Variants in SCHIP1 observed in about 807,000 individuals in gnomAD.
SCHIP1 encodes schwannomin-interacting protein 1.
SCHIP1 carries 8 observed loss-of-function variants against 29.7 expected under a neutral mutation model. The ratio of observed to expected loss-of-function variants is 0.27; its 90% CI spans 0.16 to 0.49. SCHIP1 has a LOEUF of 0.49. Among genes scored for constraint, SCHIP1 ranks in the 20% least tolerant of loss-of-function variants. The pLI is 0.99. For synonymous variants in SCHIP1, 76 were observed against 94.9 expected, an observed-to-expected ratio of 0.80 and a Z score of 1.16; for missense variants, 193 against 294.6, an observed-to-expected ratio of 0.66 and a Z score of 2.52.
chr3:159,560,053 C>T, the SCHIP1 span, among the ~76,000 whole-genome samples: 1 of 152,142 alleles, frequency 6.6e-6, no homozygotes, highest in Non-Finnish European at 1.5e-5. Context: ...TTTCATTTGT[C>T]TCATAATGAA....
At chr3:159,413,957 T>A in the SCHIP1 span, among the ~76,000 whole-genome samples, 1 of 152,224 alleles carries the variant, frequency 6.6e-6, no homozygotes, top group Non-Finnish European at 1.5e-5. Context: ...AACCAACATG[T>A]AAGACACCCA....
intron 1 of SCHIP1, among the ~76,000 whole-genome samples, chr3:159,851,569 A>G (rs1712644930): frequency 1.2e-5 from 1 of 82,108 alleles, no homozygotes; most frequent in African/African-American, 4.7e-5. Flanking sequence ...CTGTTAATAT[A>G]TGCCAGGTAA....
chr3:159,731,870 A>T, the SCHIP1 span, among the ~76,000 whole-genome samples: 1 of 148,218 alleles, frequency 6.7e-6, no homozygotes, highest in East Asian at 2.0e-4. Context: ...TTATCCAGGA[A>T]TTTTTTTTTT....
At chr3:159,315,655 C>A in the SCHIP1 span, among the ~76,000 whole-genome samples, 2 of 151,930 alleles carry the variant, frequency 1.3e-5, no homozygotes, top group Non-Finnish European at 2.9e-5. Context: ...CATTAGAAGA[C>A]AGTTAATAGT....
chr3:159,747,299 A>C, the SCHIP1 span, among the ~76,000 whole-genome samples: 1 of 152,242 alleles, frequency 6.6e-6, no homozygotes, highest in Admixed American at 6.5e-5. Context: ...CACCTGATGC[A>C]TCTGGCTCCA....
At chr3:159,742,193 T>C in the SCHIP1 span, among the ~76,000 whole-genome samples, 3 of 152,148 alleles carry the variant, frequency 2.0e-5, no homozygotes, top group African/African-American at 7.2e-5. Context: ...GCCACTGCAC[T>C]CCAGCTTGGC....
At chr3:159,493,387 A>G in the SCHIP1 span, among the ~76,000 whole-genome samples, 1 of 152,240 alleles carries the variant, frequency 6.6e-6, no homozygotes, top group South Asian at 2.1e-4. Flanking sequence ...CATAGGCTCA[A>G]AATAAAGGGA....
the SCHIP1 span, among the ~76,000 whole-genome samples, chr3:159,620,593 A>T: frequency 6.6e-5 from 10 of 152,258 alleles, no homozygotes; most frequent in African/African-American, 1.7e-4. Context: ...AACTGACCCT[A>T]TAATTCTTGG....
chr3:159,888,697 A>G (rs961899900), intron 4 of SCHIP1, 123 bp from the exon 6 acceptor site: 1 of 1,420,432 alleles, frequency 7.0e-7, no homozygotes, highest in Non-Finnish European at 9.4e-7. Flanking sequence ...AGACTGGGAA[A>G]GCTTTTAATC....
At chr3:159,457,589 A>G in the SCHIP1 span, among the ~76,000 whole-genome samples, 37 of 152,222 alleles carry the variant, frequency 2.4e-4, no homozygotes, top group Admixed American at 5.2e-4. Flanking sequence ...AATATCATGT[A>G]TTAGATGTTG....
the SCHIP1 span, among the ~76,000 whole-genome samples, chr3:159,622,030 C>T: frequency 1.3e-5 from 2 of 152,216 alleles, no homozygotes; most frequent in Non-Finnish European, 2.9e-5. Flanking sequence ...AACCTCTAAC[C>T]CTTTCCCTTC....
At chr3:159,677,684 GAA>G in the SCHIP1 span, among the ~76,000 whole-genome samples, 1 of 152,190 alleles carries the variant, frequency 6.6e-6, no homozygotes, top group African/African-American at 2.4e-5. Flanking sequence ...TTAGGGAAAT[GAA>G]AGTGGCCAGG....
At chr3:159,705,741 C>G in the SCHIP1 span, among the ~76,000 whole-genome samples, 1 of 152,138 alleles carries the variant, frequency 6.6e-6, no homozygotes, top group African/African-American at 2.4e-5. Flanking sequence ...GAGTCTCGCT[C>G]TGTCGCCCAG....
chr3:159,378,019 G>A, the SCHIP1 span, among the ~76,000 whole-genome samples: 2 of 152,186 alleles, frequency 1.3e-5, no homozygotes, highest in African/African-American at 4.8e-5. Context: ...ATGATTCACA[G>A]CATATGAAGG....
At chr3:159,874,458 G>A (rs1478176670) in intron 2 of SCHIP1, among the ~76,000 whole-genome samples, 2 of 152,164 alleles carry the variant, frequency 1.3e-5, no homozygotes, top group African/African-American at 4.8e-5. Flanking sequence ...GGCCAATAAT[G>A]GACACCTGCC....
At chr3:159,599,429 T>C in the SCHIP1 span, among the ~76,000 whole-genome samples, 1 of 152,108 alleles carries the variant, frequency 6.6e-6, no homozygotes. Flanking sequence ...TTCCCCAAAG[T>C]CCCCAAAGTA....
the SCHIP1 span, among the ~76,000 whole-genome samples, chr3:159,558,497 G>A: frequency 6.6e-6 from 1 of 152,168 alleles, no homozygotes; most frequent in African/African-American, 2.4e-5. Flanking sequence ...TCTGGGGAGA[G>A]CACATCTAAC....
the SCHIP1 span, among the ~76,000 whole-genome samples, chr3:159,349,121 TAGTGCAA>T: frequency 6.6e-6 from 1 of 152,228 alleles, no homozygotes; most frequent in Non-Finnish European, 1.5e-5. Flanking sequence ...CCATCTTTTT[TAGTGCAA>T]AGATAACATT....
At chr3:159,753,545 G>C in the SCHIP1 span, among the ~76,000 whole-genome samples, 1 of 151,928 alleles carries the variant, frequency 6.6e-6, no homozygotes, top group Non-Finnish European at 1.5e-5. Context: ...AATATCTTTA[G>C]TATTTCTATT....
Sources: allele counts gnomAD v4.1 joint callset (sites outside exome capture counted in the v4.1 genomes callset), GRCh38; gene constraint gnomAD v4.1.1; transcripts MANE v1.5; gene names NCBI Gene and HGNC (gene_info 2026-07-23, HGNC 2026-07-21).